The following ZNF410 variants were observed in gnomAD, a reference collection of about 807,000 sequenced individuals.
ZNF410 encodes the protein zinc finger protein 410.
A neutral mutation model predicts 54.8 loss-of-function variants in ZNF410; 18 were observed. That is an observed-to-expected ratio of 0.33 (90% CI 0.23 to 0.49). The LOEUF (loss-of-function observed/expected upper bound fraction) is 0.49, where lower values mean the gene tolerates loss of function less well. Among genes scored for constraint, ZNF410 ranks in the 20% least tolerant of loss-of-function variants. The pLI is 0.99. For missense variants in ZNF410, 405 were observed against 569.6 expected, an observed-to-expected ratio of 0.71 and a Z score of 2.94; for synonymous variants, 191 against 207.3, an observed-to-expected ratio of 0.92 and a Z score of 0.68.
At chr14:73,887,646 C>T (rs1936968796) in intron 1 of ZNF410, among the ~76,000 whole-genome samples, 1 of 152,124 alleles carries the variant, frequency 6.6e-6, no homozygotes. Context: ...CGAAGGTCAA[C>T]GCAGCATATT....
At chr14:73,921,987 C>A in intron 9 of ZNF410, 79 bp from the exon 10 acceptor site, 4 of 1,544,022 alleles carry the variant, frequency 2.6e-6, no homozygotes, top group African/African-American at 2.7e-5. Context: ...AAAGAGAAGG[C>A]CAGCTTCTGT....
chr14:73,927,907 G>A (rs766480566), intron 11 of ZNF410: 18 of 161,018 alleles, frequency 1.1e-4, no homozygotes, highest in Non-Finnish European at 2.2e-4. Context: ...GCACAATCTC[G>A]GCCCACTGCA....
chr14:73,890,935 G>A (rs2055219381), intron 1 of ZNF410, among the ~76,000 whole-genome samples: 1 of 152,086 alleles, frequency 6.6e-6, no homozygotes, highest in South Asian at 2.1e-4. Flanking sequence ...TTGAACCTGG[G>A]AGGCAGAGGT....
chr14:73,911,769 G>T (rs2055583141), intron 8 of ZNF410, among the ~76,000 whole-genome samples: 1 of 152,000 alleles, frequency 6.6e-6, no homozygotes, highest in African/African-American at 2.4e-5. Context: ...GTTTAAATCA[G>T]GATCCAACAA....
chr14:73,889,345 A>G (rs1340173167), intron 1 of ZNF410, among the ~76,000 whole-genome samples: 5 of 151,738 alleles, frequency 3.3e-5, no homozygotes, highest in African/African-American at 9.7e-5. Flanking sequence ...TGCTAATTGA[A>G]AAATTTTTTT....
At chr14:73,929,048 G>A (rs1594770862) in intron 11 of ZNF410, among the ~76,000 whole-genome samples, 1 of 152,130 alleles carries the variant, frequency 6.6e-6, no homozygotes, top group African/African-American at 2.4e-5. Context: ...AACACAAAAG[G>A]GAAAGTGCTG....
intron 5 of ZNF410, among the ~76,000 whole-genome samples, chr14:73,903,065 A>C (rs1460644057): frequency 1.3e-5 from 2 of 152,246 alleles, no homozygotes; most frequent in Non-Finnish European, 2.9e-5. Flanking sequence ...TGGAAATCTA[A>C]AAATGGCTGT....
chr14:73,892,188 G>A lies in ZNF410; in HGVS notation c.13G>A (p.Glu5Lys). The change falls in exon 2 of 12, where the codon GAG becomes AAG. Residue 5 changes from glutamate (E) to lysine (K), a missense_variant. Around this residue, in one of 3 missense-constraint regions of ZNF410, gnomAD observed 247 missense variants for 342.8 expected, o/e 0.72. Transcript: ENST00000555044. The stretch of plus-strand genomic sequence containing the variant: ...GGAAGCTGAATCAATGTTATCAGAT[G>A]AGTTAGAATCCAAACCAGAGGTGAG... MLSD[E>K]LESKPELLVQ... 1 of 1,613,888 alleles carries A rather than the reference G, an allele frequency of 6.2e-7. No homozygotes were observed. The highest frequency in any genetic ancestry group is 1.1e-5 in the South Asian group (1 of 91,054).
intron 9 of ZNF410, 102 bp from the exon 10 acceptor site, chr14:73,921,964 A>G: frequency 7.0e-7 from 1 of 1,427,782 alleles, no homozygotes; most frequent in Non-Finnish European, 9.6e-7. Flanking sequence ...CTATAGGTTA[A>G]CTTCTAGTAA....
chr14:73,903,891 T>A, intron 5 of ZNF410, 69 bp from the exon 6 acceptor site: 1 of 1,578,362 alleles, frequency 6.3e-7, no homozygotes, highest in Non-Finnish European at 8.6e-7. Flanking sequence ...ATATAGGAGC[T>A]TTATTGTTTG....
chr14:73,896,328 A>G lies in ZNF410; in HGVS notation c.182A>G (p.Asn61Ser), dbSNP rs141222734. The change falls in exon 4 of 12, where the codon AAT becomes AGT. Residue 61 changes from asparagine to serine, a missense_variant. By Grantham distance (46) the Asn-to-Ser change is conservative (BLOSUM62 1). Transcript: ENST00000555044. ...SRLMLPDDTT[N>S]HSNSSKEVPS... ...TTCCCTTTACTAGATGATACTACAAATCATTCTAACTCCTCCAAGGAGGTC... is the reference window on the plus strand; with the variant it reads ...TTCCCTTTACTAGATGATACTACAAGTCATTCTAACTCCTCCAAGGAGGTC... The G allele has an allele frequency of 4.0e-5, 64 of 1,614,096 alleles. No individual in the cohort carries two copies. The African/African-American group carries it at 7.6e-4, about 19-fold the overall frequency.
intron 11 of ZNF410, chr14:73,924,868 A>AG (rs1320199003): frequency 9.0e-6 from 3 of 332,206 alleles, no homozygotes; most frequent in Non-Finnish European, 1.8e-5. Flanking sequence ...TAGTAGAGAC[A>AG]GGGTTTCACC....
At chr14:73,912,723 C>T (rs2055603021) in intron 8 of ZNF410, among the ~76,000 whole-genome samples, 1 of 152,130 alleles carries the variant, frequency 6.6e-6, no homozygotes. Context: ...GCTCTAGTTA[C>T]TTCTAGTATT....
At chr14:73,926,403 A>G (rs932359734) in intron 11 of ZNF410, among the ~76,000 whole-genome samples, 3 of 150,470 alleles carry the variant, frequency 2.0e-5, no homozygotes, top group African/African-American at 7.3e-5. Flanking sequence ...ATGGTTATCT[A>G]TTTAAGGAAC....
intron 10 of ZNF410, 99 bp from the exon 11 acceptor site, chr14:73,923,296 G>T: frequency 7.5e-7 from 1 of 1,334,528 alleles, no homozygotes; most frequent in Admixed American, 2.7e-5. Flanking sequence ...GGGAAATAGA[G>T]GAATAGAGTT....
intron 8 of ZNF410, among the ~76,000 whole-genome samples, chr14:73,912,639 T>G (rs1247600749): frequency 6.6e-6 from 1 of 152,272 alleles, no homozygotes; most frequent in African/African-American, 2.4e-5. Context: ...TAGGGCTATT[T>G]GATCATTTGC....
intron 1 of ZNF410, among the ~76,000 whole-genome samples, chr14:73,889,356 T>C (rs1384471768): frequency 6.6e-6 from 1 of 151,350 alleles, no homozygotes; most frequent in Non-Finnish European, 1.5e-5. Flanking sequence ...AAATTTTTTT[T>C]TGTAGAAATA....
intron 5 of ZNF410, 144 bp downstream of exon 5, chr14:73,898,406 T>TAGAAAATAAAA: frequency 3.1e-6 from 3 of 966,870 alleles, no homozygotes; most frequent in Non-Finnish European, 4.5e-6. Flanking sequence ...TTAAATTTTA[T>TAGAAAATAAAA]TTTCTATAAA....
chr14:73,898,292 T>C (rs2055353918), intron 5 of ZNF410, 30 bp downstream of exon 5: 6 of 1,611,628 alleles, frequency 3.7e-6, no homozygotes, highest in African/African-American at 1.3e-5. Context: ...TCCTTGCCAC[T>C]ATTCTGTGCA....
Sources: gnomAD v4.1 joint callset for allele counts (sites outside exome capture counted in the v4.1 genomes callset) on GRCh38, gnomAD v4.1.1 for gene constraint, gnomAD v4.1.1 regional missense constraint, MANE v1.5 for transcripts, NCBI Gene and HGNC (gene_info 2026-07-23, HGNC 2026-07-21) for gene names.